Variants in RC3H2 observed in about 807,000 individuals in gnomAD.
RC3H2 encodes ring finger and CCCH-type domains 2, also known as roquin-2.
A neutral mutation model predicts 133.3 loss-of-function variants in RC3H2; 31 were observed. The observed-to-expected ratio is 0.23, with a 90% CI of 0.17 to 0.31. The LOEUF (loss-of-function observed/expected upper bound fraction) is 0.31, where lower values mean the gene tolerates loss of function less well. Ranked by LOEUF, RC3H2 falls within the 10% of genes least tolerant of loss-of-function variation. RC3H2 has a pLI of 1.00. For synonymous variants in RC3H2, 517 were observed against 502.2 expected, an observed-to-expected ratio of 1.03 and a Z score of -0.40; for missense variants, 1,175 against 1,437.2, an observed-to-expected ratio of 0.82 and a Z score of 2.95.
intron 4 of RC3H2, among the ~76,000 whole-genome samples, chr9:122,886,619 T>C (rs1440543963): frequency 6.6e-6 from 1 of 152,188 alleles, no homozygotes; most frequent in Non-Finnish European, 1.5e-5. Context: ...AAGCCAGAAG[T>C]TCCGAAGTTA....
intron 5 of RC3H2, 146 bp downstream of exon 5, chr9:122,883,058 C>T (rs1831722452): frequency 1.5e-6 from 1 of 672,166 alleles, no homozygotes; most frequent in Admixed American, 3.4e-5. Flanking sequence ...GGTGGTATCA[C>T]AGATGCAATC....
intron 1 of RC3H2, among the ~76,000 whole-genome samples, chr9:122,898,827 A>C (rs1470902608): frequency 6.6e-6 from 1 of 151,960 alleles, no homozygotes; most frequent in African/African-American, 2.4e-5. Context: ...TGAACACACT[A>C]AACTTCCCAG....
At chr9:122,868,225 C>G (rs967245879) in intron 9 of RC3H2, among the ~76,000 whole-genome samples, 1 of 152,180 alleles carries the variant, frequency 6.6e-6, no homozygotes, top group African/African-American at 2.4e-5. Flanking sequence ...CCGGCCACCA[C>G]CCCGTCTGGG....
At chr9:122,875,722 G>T (rs1831305609) in intron 9 of RC3H2, among the ~76,000 whole-genome samples, 1 of 152,232 alleles carries the variant, frequency 6.6e-6, no homozygotes, top group Admixed American at 6.5e-5. Flanking sequence ...AAGGCTAGGA[G>T]TAACAGCATT....
At position 122,877,506 on chromosome 9, in the gene RC3H2, A is replaced by T; in HGVS notation, c.1290T>A (p.Asn430Lys). 1 of 1,614,154 alleles carries T rather than the reference A, an allele frequency of 6.2e-7. No homozygotes were observed. The highest frequency in any genetic ancestry group is 8.5e-7 in the Non-Finnish European group (1 of 1,179,984). ...CTTCCTGAGAATGGGCAAATGTACA[A>T]TTTGTTCCTCGTGGACAACCCCCTT... The part of the protein sequence containing the change: ...RQQGGCPRGT[N>K]CTFAHSQEEL... Residue 430 changes from asparagine to lysine, a missense_variant, in exon 9 of 21, where the codon AAT (asparagine) becomes AAA (lysine). Physicochemically the swap from Asn to Lys is moderately conservative, Grantham distance 94. Around this residue, in one of 8 missense-constraint regions of RC3H2, gnomAD observed 131 missense variants for 154.2 expected, o/e 0.85. Transcript: ENST00000357244.
chr9:122,860,426 G>A (rs1367633469), intron 10 of RC3H2, among the ~76,000 whole-genome samples: 1 of 65,034 alleles, frequency 1.5e-5, no homozygotes, highest in Non-Finnish European at 3.0e-5. Context: ...TTTTTTTTTT[G>A]AGACAGGGTG....
Position 122,859,001 on chromosome 9 carries a change from A to T in RC3H2, c.1951T>A (p.Ser651Thr). The change falls in exon 12 of 21, where the codon TCC (serine) becomes ACC (threonine). Residue 651 changes from serine to threonine, a missense_variant. By Grantham distance (58) the Ser-to-Thr change is moderately conservative. Around this residue, in one of 8 missense-constraint regions of RC3H2, gnomAD observed 490 missense variants for 492.8 expected, o/e 0.99. Transcript: ENST00000357244. ...CTGTAATGATCGGCATATGGCATGG[A>T]AGCAGGTGGGAGGGAGGACTCTGGA... ...NVPESSLPPA[S>T]MPYADHYSTF... 2 of 1,614,064 alleles carry T rather than the reference A, an allele frequency of 1.2e-6. No individual in the cohort carries two copies. The highest frequency in any genetic ancestry group is 4.5e-5 in the East Asian group (2 of 44,878).
At position 122,845,695 on chromosome 9, in the gene RC3H2, T is replaced by A. The variant is rs1223137869; in HGVS notation, c.*3932A>T. ...AAGGGATACAAGGAAGACGCTAGTA[T>A]AAAGACATTACTAGCAAACTTCTTC... On this transcript the variant is annotated 3_prime_UTR_variant, in exon 21 of 21. Transcript: ENST00000357244. 4 of 152,166 alleles carry A rather than the reference T, an allele frequency of 2.6e-5. No homozygotes were observed. The highest frequency in any genetic ancestry group is 9.6e-5 in the African/African-American group (4 of 41,456). 9.4% of individuals were successfully genotyped at this position (152,166 alleles called of 1,614,324 possible).
chr9:122,903,540 C>T (rs1473320976), intron 1 of RC3H2, among the ~76,000 whole-genome samples: 1 of 152,174 alleles, frequency 6.6e-6, no homozygotes, highest in East Asian at 1.9e-4. Flanking sequence ...GGACGTAAGT[C>T]TTCTTACATG....
chr9:122,852,143 C>T (rs1276388353), intron 18 of RC3H2, among the ~76,000 whole-genome samples: 2 of 149,974 alleles, frequency 1.3e-5, no homozygotes, highest in Admixed American at 6.6e-5. Flanking sequence ...GCGCCTCTGC[C>T]CCGCCGCCCT....
chr9:122,865,683 G>A (rs777815395), intron 9 of RC3H2, 26 bp from the exon 10 acceptor site: 1 of 1,585,262 alleles, frequency 6.3e-7, no homozygotes, highest in Non-Finnish European at 8.6e-7. Flanking sequence ...TCAACAGATT[G>A]GTGAATATTT....
rs746800624 is a variant in RC3H2, at chr9:122,858,805, G to T, written c.2147C>A (p.Ser716Tyr). 4.3e-6 allele frequency: 7 copies of T among 1,614,296 alleles called. No homozygotes were observed. The highest frequency in any genetic ancestry group is 1.7e-5 in the Admixed American group (1 of 60,038). The change falls in exon 12 of 21, where the codon TCT becomes TAT. Residue 716 changes from serine to tyrosine, a missense_variant. By Grantham distance (144) the Ser-to-Tyr change is moderately radical. Coordinates refer to ENST00000357244, the MANE Select transcript of RC3H2 (RefSeq NM_001100588.3). The part of the protein sequence containing the change: ...YQRDDIIRSN[S>Y]LPPMDVMHSS... The stretch of plus-strand genomic sequence containing the variant: ...GTGCATCACATCCATTGGAGGTAAA[G>T]AATTGCTTCTAATAATGTCATCTCG...
intron 18 of RC3H2, among the ~76,000 whole-genome samples, chr9:122,852,501 G>T (rs1170524040): frequency 1.4e-5 from 2 of 145,620 alleles, no homozygotes; most frequent in East Asian, 4.2e-4. Flanking sequence ...GAGCCCCTCT[G>T]CCTAGCCAGC....
At position 122,854,543 on chromosome 9, in the gene RC3H2, T is replaced by C. The variant is rs769454372; in HGVS notation, c.2888A>G (p.His963Arg). ...AGAAGAACGTTACCTTTCAACATAG[T>C]GTGCTGATGATGTGGCCTCGTTGCC... ...SYGNEATSSA[H>R]YVERDRFIVT... Residue 963 changes from histidine (H) to arginine (R), a missense_variant, in exon 16 of 21, where the codon CAC becomes CGC. His to Arg is a conservative substitution (Grantham distance 29). Around this residue, in one of 8 missense-constraint regions of RC3H2, gnomAD observed 138 missense variants for 215.0 expected, o/e 0.64. Transcript: ENST00000357244. 6 of 1,611,208 alleles carry C rather than the reference T, an allele frequency of 3.7e-6. No individual in the cohort carries two copies. The highest frequency in any genetic ancestry group is 5.1e-6 in the Non-Finnish European group (6 of 1,177,318).
At chr9:122,859,808 T>G in intron 11 of RC3H2, 109 bp downstream of exon 11, 1 of 926,926 alleles carries the variant, frequency 1.1e-6, no homozygotes, top group South Asian at 1.6e-5. Flanking sequence ...ATGAGTCACA[T>G]AGTCAAAAGG....
intron 9 of RC3H2, among the ~76,000 whole-genome samples, chr9:122,876,353 T>G (rs1409617671): frequency 6.6e-6 from 1 of 151,890 alleles, no homozygotes; most frequent in Non-Finnish European, 1.5e-5. Context: ...ACAGGGCAGG[T>G]GTGGTGGCTC....
intron 1 of RC3H2, among the ~76,000 whole-genome samples, chr9:122,900,992 T>A (rs1832627574): frequency 6.6e-6 from 1 of 152,212 alleles, no homozygotes; most frequent in Non-Finnish European, 1.5e-5. Flanking sequence ...ACAATAGGCA[T>A]CTCTTATATG....
At position 122,857,998 on chromosome 9, in the gene RC3H2, G is replaced by C. The variant is rs372944811; in HGVS notation, c.2379C>G (p.Val793=). The C allele has an allele frequency of 1.2e-6, 2 of 1,614,176 alleles. No individual in the cohort carries two copies. The highest frequency in any genetic ancestry group is 2.7e-5 in the African/African-American group (2 of 75,070). The change falls in exon 13 of 21, where the codon GTC becomes GTG. Residue 793 remains valine (V), a synonymous_variant. Transcript: ENST00000357244. ...AQYHTQKAPL[V]SSTLPVATQS... ...GTGTTGCCACAGGAAGAGTTGAAGAGACAAGAGGTGCTTTCTGAGTGTGGT... is the reference window on the plus strand; with the variant it reads ...GTGTTGCCACAGGAAGAGTTGAAGACACAAGAGGTGCTTTCTGAGTGTGGT...
At position 122,853,190 on chromosome 9, in the gene RC3H2, C is replaced by T. The variant is rs953022722; in HGVS notation, c.3117+762G>A. Among the ~76,000 whole-genome samples, 18 of 151,696 alleles carry T rather than the reference C, an allele frequency of 1.2e-4. 1 individual carries two copies. Among genetic ancestry groups the T allele is most frequent in the Non-Finnish European group, 1.8e-4 (12 of 67,954 alleles). On this transcript the variant is annotated intron_variant, in intron 18 of 20. Transcript: ENST00000357244. ...AACAGATGCTTGAAGGCAGCATGCT[C>T]ATTAAGAGTCATCACCACTCCCTAA...
Sources: gnomAD v4.1 joint callset for allele counts (sites outside exome capture counted in the v4.1 genomes callset) on GRCh38, gnomAD v4.1.1 for gene constraint, gnomAD v4.1.1 regional missense constraint, MANE v1.5 for transcripts, NCBI Gene and HGNC (gene_info 2026-07-23, HGNC 2026-07-21) for gene names.